The following LOXL2 variants were observed in gnomAD, a reference collection of about 807,000 sequenced individuals.
LOXL2 encodes the protein lysyl oxidase homolog 2.
LOXL2 carries 70 observed loss-of-function variants against 93.0 expected under a neutral mutation model. The ratio of observed to expected loss-of-function variants is 0.75; its 90% CI spans 0.62 to 0.92. LOXL2 has a LOEUF of 0.92. Among genes scored for constraint, LOXL2 ranks in the 40% least tolerant of loss-of-function variants. The pLI, the probability that LOXL2 is intolerant of heterozygous loss-of-function variation, is 0.00. For missense variants in LOXL2, 973 were observed against 1,054.9 expected, an observed-to-expected ratio of 0.92 and a Z score of 1.08; for synonymous variants, 438 against 413.2, an observed-to-expected ratio of 1.06 and a Z score of -0.73.
rs751604332 is a variant in LOXL2, at chr8:23,368,330, G to C, written c.22C>G (p.His8Asp). Reference protein sequence around the residue: MERPLCSHLCSCLAMLAL... With the variant: MERPLCSDLCSCLAMLAL... ...AGCATAGCCAGGCAGCTGCAGAGGT[G>C]GGAGCACAGAGGCCTCTCCATCCCT... Residue 8 changes from histidine (H) to aspartate (D), a missense_variant, in exon 2 of 14, where the codon CAC becomes GAC. Transcript: ENST00000389131. 6.2e-7 allele frequency: 1 copy of C among 1,612,374 alleles called. No individual in the cohort carries two copies. The highest frequency in any genetic ancestry group is 1.1e-5 in the South Asian group (1 of 91,078).
chr8:23,362,751 G>C (rs1025339087), intron 2 of LOXL2, among the ~76,000 whole-genome samples: 1 of 152,012 alleles, frequency 6.6e-6, no homozygotes, highest in Admixed American at 6.6e-5. Flanking sequence ...AATCCAAAAA[G>C]TTAAGGTGGT....
intron 1 of LOXL2, among the ~76,000 whole-genome samples, chr8:23,395,194 C>T (rs1018111428): frequency 1.2e-4 from 18 of 151,812 alleles, no homozygotes; most frequent in Middle Eastern, 3.4e-3. Flanking sequence ...ACGGAGGTTG[C>T]AGTGAGCCGA....
intron 1 of LOXL2, among the ~76,000 whole-genome samples, chr8:23,378,272 C>T (rs564331440): frequency 2.6e-5 from 4 of 152,214 alleles, no homozygotes; most frequent in Admixed American, 2.6e-4. Context: ...TTGGCCCCCA[C>T]TCTCTTCTGG....
At position 23,371,751 on chromosome 8, in the gene LOXL2, C is replaced by CA. The variant is rs55780832; in HGVS notation, c.-83-3318dup. Among the ~76,000 whole-genome samples the CA allele has an allele frequency of 8.7e-3, 382 of 43,884 alleles. 35 individuals carry two copies. The highest frequency in any genetic ancestry group is 0.019 in the Middle Eastern group (1 of 52). The allele number at this position is 43,884 out of a possible 152,430, so 28.8% of individuals were successfully genotyped here. ...TGGGCGAAAGAGTGAGAGTCTGTCT[C>CA]AAAAAAAAAAAAAAAAAAAAAAAAA... On this transcript the variant is annotated intron_variant, in intron 1 of 13. Transcript: ENST00000389131.
intron 10 of LOXL2, among the ~76,000 whole-genome samples, chr8:23,304,800 C>T (rs979537282): frequency 6.6e-6 from 1 of 152,188 alleles, no homozygotes; most frequent in Non-Finnish European, 1.5e-5. Context: ...AGGAGCTCCT[C>T]ACTTCCCCAG....
chr8:23,328,252 C>G, intron 6 of LOXL2, 130 bp downstream of exon 6: 3 of 928,022 alleles, frequency 3.2e-6, no homozygotes, highest in Non-Finnish European at 5.0e-6. Flanking sequence ...CTGGGATTCT[C>G]TCCCAGGCAG....
At chr8:23,377,256 G>A (rs1013004236) in intron 1 of LOXL2, among the ~76,000 whole-genome samples, 3 of 152,090 alleles carry the variant, frequency 2.0e-5, no homozygotes, top group South Asian at 2.1e-4. Context: ...AGTTTTGAGT[G>A]GGTTTCTTAA....
intron 12 of LOXL2, among the ~76,000 whole-genome samples, 154 bp from the exon 13 acceptor site, chr8:23,299,101 G>A (rs995673932): frequency 6.6e-6 from 1 of 152,156 alleles, no homozygotes; most frequent in Non-Finnish European, 1.5e-5. Flanking sequence ...AAAGTCCTTG[G>A]GGAGGGGAAG....
In LOXL2 at chr8:23,298,023, A is replaced by G. The variant is rs770529767; in HGVS notation, c.*20T>C. On this transcript the variant is annotated 3_prime_UTR_variant, in exon 14 of 14. Coordinates refer to ENST00000389131, the MANE Select transcript of LOXL2 (RefSeq NM_002318.3). ...AGATGTGGTGTGGCCTGAAGACAGG[A>G]GTTGACCACGCAGGCTTCTTTACTG... 6.2e-7 allele frequency: 1 copy of G among 1,606,408 alleles called. No homozygotes were observed. The highest frequency in any genetic ancestry group is 8.5e-7 in the Non-Finnish European group (1 of 1,174,020).
chr8:23,303,215 G>A (rs1803168557), intron 11 of LOXL2, 67 bp downstream of exon 11: 4 of 974,484 alleles, frequency 4.1e-6, no homozygotes, highest in South Asian at 1.3e-5. Flanking sequence ...CTCCAGCCAG[G>A]TGATCGTGGA....
intron 5 of LOXL2, among the ~76,000 whole-genome samples, chr8:23,331,228 C>G (rs1803670682): frequency 6.6e-6 from 1 of 152,032 alleles, no homozygotes; most frequent in South Asian, 2.1e-4. Flanking sequence ...GGAGAGGAGC[C>G]AAAAGGGCAT....
At chr8:23,320,701 GTT>G (rs889015233) in intron 7 of LOXL2, among the ~76,000 whole-genome samples, 17 of 152,186 alleles carry the variant, frequency 1.1e-4, no homozygotes, top group African/African-American at 4.1e-4. Flanking sequence ...TAAGCCCAGG[GTT>G]TTGAGACCAG....
chr8:23,343,211 T>C (rs1218535165), intron 3 of LOXL2, among the ~76,000 whole-genome samples: 2 of 152,186 alleles, frequency 1.3e-5, no homozygotes, highest in African/African-American at 4.8e-5. Flanking sequence ...ACAAACACCA[T>C]GAATTGCAGT....
At chr8:23,326,612 G>A (rs7845846) in intron 6 of LOXL2, among the ~76,000 whole-genome samples, 89,526 of 151,956 alleles carry the variant, frequency 0.59, 28,690 homozygotes, top group Middle Eastern at 0.74. Context: ...AAATTAGCTG[G>A]GTGTGGTGGT....
intron 2 of LOXL2, chr8:23,365,529 TC>T: frequency 6.6e-6 from 1 of 152,146 alleles, no homozygotes; most frequent in Non-Finnish European, 1.5e-5. Flanking sequence ...TTTTTTTTTT[TC>T]AAGCATCTGT....
At chr8:23,318,185 A>ACAC in intron 8 of LOXL2, among the ~76,000 whole-genome samples, 1 of 79,956 alleles carries the variant, frequency 1.3e-5, no homozygotes, top group South Asian at 4.1e-4. Flanking sequence ...AAAAAAAAAA[A>ACAC]AAACCCAAAA....
intron 4 of LOXL2, among the ~76,000 whole-genome samples, chr8:23,334,734 G>C (rs1803762122): frequency 6.7e-6 from 1 of 149,746 alleles, no homozygotes; most frequent in Non-Finnish European, 1.5e-5. Flanking sequence ...CTACCAAAAA[G>C]GATACTGTAC....
At chr8:23,314,913 C>T (rs1419330505) in intron 9 of LOXL2, among the ~76,000 whole-genome samples, 4 of 152,138 alleles carry the variant, frequency 2.6e-5, no homozygotes, top group South Asian at 2.1e-4. Context: ...TGCGGCACCA[C>T]GGAGGGTCAA....
chr8:23,320,807 G>C (rs980656425), intron 7 of LOXL2, among the ~76,000 whole-genome samples: 4 of 152,088 alleles, frequency 2.6e-5, no homozygotes, highest in Non-Finnish European at 4.4e-5. Flanking sequence ...CCCGCTACTC[G>C]GGAGGTGGGA....
Sources: allele counts gnomAD v4.1 joint callset (sites outside exome capture counted in the v4.1 genomes callset), GRCh38; gene constraint gnomAD v4.1.1; transcripts MANE v1.5; gene names NCBI Gene and HGNC (gene_info 2026-07-23, HGNC 2026-07-21).